Variants in NEK11 observed in about 807,000 individuals in gnomAD.
NEK11 encodes the protein NIMA related kinase 11.
Under a neutral mutation model 80.7 loss-of-function variants are expected in NEK11, and 72 were observed. The observed-to-expected ratio is 0.89, with a 90% confidence interval of 0.74 to 1.08. The LOEUF is 1.08. Ranked by LOEUF, NEK11 falls within the 50% of genes least tolerant of loss-of-function variation. The pLI, the probability that NEK11 is intolerant of heterozygous loss-of-function variation, is 0.00. For missense variants in NEK11, 764 were observed against 763.6 expected (o/e 1.00, Z -0.01); for synonymous variants, 251 against 260.7 (o/e 0.96, Z 0.36).
At chr3:131,035,479 G>T (rs2065500242) in intron 3 of NEK11, among the ~76,000 whole-genome samples, 1 of 152,222 alleles carries the variant, frequency 6.6e-6, no homozygotes, top group African/African-American at 2.4e-5. Context: ...CCAAAGTACT[G>T]TATTGAGACA....
chr3:131,113,330 G>A (rs968632846), intron 5 of NEK11, among the ~76,000 whole-genome samples: 5 of 152,140 alleles, frequency 3.3e-5, no homozygotes, highest in Admixed American at 6.6e-5. Context: ...AGTTAGAAGT[G>A]AGGCTCTGGA....
At chr3:131,245,801 G>T (rs905970486) in intron 16 of NEK11, among the ~76,000 whole-genome samples, 1 of 151,712 alleles carries the variant, frequency 6.6e-6, no homozygotes, top group African/African-American at 2.4e-5. Context: ...GTTAGTTGGG[G>T]TTTTTTTGTT....
rs552681715 is a variant in NEK11 at position 131,308,166 on chromosome 3, G to T, written c.1718+34592G>T. 2.6e-3 allele frequency among the ~76,000 whole-genome samples: 391 copies of T among 152,256 alleles called. 1 individual carries two copies. Among genetic ancestry groups the T allele is most frequent in the Non-Finnish European group, 3.4e-3 (233 of 68,012 alleles). ...TATGGTCACCTCTTAATCAAGGAGT[G>T]TTAAAGCACAATTACTATTATTGAT... On this transcript the variant is annotated intron_variant, in intron 17 of 17. Coordinates refer to ENST00000383366, the MANE Select transcript of NEK11 (RefSeq NM_024800.5).
chr3:131,156,179 A>T (rs754609901), intron 10 of NEK11, among the ~76,000 whole-genome samples: 1 of 152,184 alleles, frequency 6.6e-6, no homozygotes, highest in East Asian at 1.9e-4. Context: ...TTGACTTCAG[A>T]TGGTCACTGC....
At chr3:131,096,392 G>A (rs1327071775) in intron 4 of NEK11, among the ~76,000 whole-genome samples, 1 of 152,090 alleles carries the variant, frequency 6.6e-6, no homozygotes. Flanking sequence ...ATTCCGTGGT[G>A]TATATGTATC....
At chr3:131,233,817 A>G (rs548774824) in intron 15 of NEK11, among the ~76,000 whole-genome samples, 5 of 152,350 alleles carry the variant, frequency 3.3e-5, no homozygotes, top group Admixed American at 6.5e-5. Flanking sequence ...AAGAAACAGC[A>G]GTGGAGGATA....
At chr3:131,165,679 G>A (rs950651680) in intron 12 of NEK11, among the ~76,000 whole-genome samples, 160 bp downstream of exon 12, 8 of 152,198 alleles carry the variant, frequency 5.3e-5, no homozygotes, top group African/African-American at 1.4e-4. Context: ...AACAGCTGGT[G>A]ACAACGATTC....
At chr3:131,030,796 A>G (rs564592139) in intron 3 of NEK11, among the ~76,000 whole-genome samples, 1 of 152,346 alleles carries the variant, frequency 6.6e-6, no homozygotes, top group South Asian at 2.1e-4. Flanking sequence ...TAATAGCTTC[A>G]GACAGTACCT....
chr3:131,223,452 T>C (rs1164559496), intron 14 of NEK11, among the ~76,000 whole-genome samples: 1 of 152,198 alleles, frequency 6.6e-6, no homozygotes, highest in Non-Finnish European at 1.5e-5. Flanking sequence ...ACTAAGGCTG[T>C]CTGTACACAA....
chr3:131,265,025 T>C (rs1317913443), intron 16 of NEK11, among the ~76,000 whole-genome samples: 1 of 152,216 alleles, frequency 6.6e-6, no homozygotes, highest in Non-Finnish European at 1.5e-5. Flanking sequence ...TGTCTGTTAT[T>C]GGTATATAGG....
chr3:131,171,671 A>C (rs1457761106), intron 14 of NEK11, among the ~76,000 whole-genome samples: 3 of 152,224 alleles, frequency 2.0e-5, no homozygotes, highest in African/African-American at 7.2e-5. Flanking sequence ...GAGACGTGGC[A>C]TGTGGAGTGG....
At chr3:131,251,287 T>G (rs1039868285) in intron 16 of NEK11, among the ~76,000 whole-genome samples, 12 of 151,980 alleles carry the variant, frequency 7.9e-5, no homozygotes, top group African/African-American at 2.9e-4. Flanking sequence ...CTTTCTTGTT[T>G]TTAACATTAA....
intron 17 of NEK11, among the ~76,000 whole-genome samples, chr3:131,337,664 A>G (rs72993131): frequency 6.6e-6 from 1 of 151,840 alleles, no homozygotes; most frequent in East Asian, 1.9e-4. Context: ...TAAAAATAAA[A>G]ATCAGCTTAG....
At chr3:131,312,734 A>C (rs947469253) in intron 17 of NEK11, among the ~76,000 whole-genome samples, 2 of 152,164 alleles carry the variant, frequency 1.3e-5, no homozygotes, top group African/African-American at 4.8e-5. Flanking sequence ...CAAGTTTCAG[A>C]ACCCCTAAGA....
chr3:131,334,579 C>T (rs1216108895), intron 17 of NEK11, among the ~76,000 whole-genome samples: 3 of 150,972 alleles, frequency 2.0e-5, no homozygotes, highest in Admixed American at 2.0e-4. Context: ...AGAGCAAACA[C>T]ATTCAAAAGC....
At chr3:131,101,659 C>A (rs1360833280) in intron 4 of NEK11, among the ~76,000 whole-genome samples, 1 of 152,144 alleles carries the variant, frequency 6.6e-6, no homozygotes, top group East Asian at 1.9e-4. Context: ...TGAGTTCGAT[C>A]TTAGAATATG....
chr3:131,225,838 A>G (rs1452218940), intron 14 of NEK11, among the ~76,000 whole-genome samples: 2 of 152,218 alleles, frequency 1.3e-5, no homozygotes, highest in African/African-American at 4.8e-5. Flanking sequence ...GTTTGGGTAA[A>G]TAGGTCTTGG....
At chr3:131,309,169 C>T (rs1463406647) in intron 17 of NEK11, among the ~76,000 whole-genome samples, 2 of 152,154 alleles carry the variant, frequency 1.3e-5, no homozygotes, top group Non-Finnish European at 2.9e-5. Flanking sequence ...TTACTTAATC[C>T]CCCCAGAATG....
chr3:131,094,477 C>T (rs1281301028), intron 4 of NEK11, among the ~76,000 whole-genome samples: 1 of 152,024 alleles, frequency 6.6e-6, no homozygotes, highest in Non-Finnish European at 1.5e-5. Context: ...TCAGTAATAC[C>T]TTTGAACAAG....
Sources: allele counts gnomAD v4.1 joint callset (sites outside exome capture counted in the v4.1 genomes callset), GRCh38; gene constraint gnomAD v4.1.1; transcripts MANE v1.5; gene names NCBI Gene and HGNC (gene_info 2026-07-23, HGNC 2026-07-21).